GALNT13: variants seen among roughly 807,000 people sequenced by gnomAD.
GALNT13 encodes the protein UDP-GalNAc:polypeptide N-acetylgalactosaminyltransferase 13.
In GALNT13, 28 loss-of-function variants were observed where a neutral mutation model predicts 64.2. The observed-to-expected ratio is 0.44, with a 90% CI of 0.32 to 0.60. The LOEUF (loss-of-function observed/expected upper bound fraction) is 0.60. Ranked by LOEUF, GALNT13 falls within the 20% of genes least tolerant of loss-of-function variation. GALNT13 has a pLI of 0.05. For missense variants in GALNT13, 577 were observed against 669.8 expected, an observed-to-expected ratio of 0.86 and a Z score of 1.53; for synonymous variants, 214 against 224.6, an observed-to-expected ratio of 0.95 and a Z score of 0.42.
At chr2:154,371,210 A>G (rs559363881) in intron 9 of GALNT13, among the ~76,000 whole-genome samples, 1 of 152,246 alleles carries the variant, frequency 6.6e-6, no homozygotes, top group Admixed American at 6.5e-5. Context: ...AAATGACAAC[A>G]TATGCTAGTG....
At chr2:153,749,769 A>T in the GALNT13 span, among the ~76,000 whole-genome samples, 1 of 151,902 alleles carries the variant, frequency 6.6e-6, no homozygotes, top group African/African-American at 2.4e-5. Context: ...AGATCATATC[A>T]TCTGCAAATA....
At chr2:153,073,810 T>A in the GALNT13 span, among the ~76,000 whole-genome samples, 1 of 152,192 alleles carries the variant, frequency 6.6e-6, no homozygotes, top group African/African-American at 2.4e-5. Flanking sequence ...TGCAGTGTAA[T>A]TGTCTGACAT....
chr2:154,447,819 A>C (rs910384792), intron 12 of GALNT13, among the ~76,000 whole-genome samples: 6 of 152,052 alleles, frequency 3.9e-5, no homozygotes, highest in Non-Finnish European at 5.9e-5. Flanking sequence ...ACTTATGTAC[A>C]GAGCAATTTA....
the GALNT13 span, among the ~76,000 whole-genome samples, chr2:153,727,337 CATT>C: frequency 5.2e-3 from 799 of 152,260 alleles, 6 homozygotes; most frequent in African/African-American, 0.017. Context: ...CATTCATTCT[CATT>C]GTTGTATATT....
At chr2:153,649,560 G>A in the GALNT13 span, among the ~76,000 whole-genome samples, 1 of 148,148 alleles carries the variant, frequency 6.8e-6, no homozygotes, top group African/African-American at 2.5e-5. Flanking sequence ...TGATGTTAGG[G>A]TGTCAATTTT....
At chr2:153,550,639 A>T in the GALNT13 span, among the ~76,000 whole-genome samples, 1 of 152,206 alleles carries the variant, frequency 6.6e-6, no homozygotes, top group African/African-American at 2.4e-5. Flanking sequence ...AACAACAGTC[A>T]CATCTTGAGT....
the GALNT13 span, among the ~76,000 whole-genome samples, chr2:153,756,193 A>G: frequency 6.6e-6 from 1 of 152,138 alleles, no homozygotes; most frequent in South Asian, 2.1e-4. Context: ...GCAATTATGT[A>G]TAAGATCACA....
chr2:153,696,453 T>C, the GALNT13 span, among the ~76,000 whole-genome samples: 2 of 152,152 alleles, frequency 1.3e-5, no homozygotes, highest in Non-Finnish European at 2.9e-5. Flanking sequence ...CAGACATACC[T>C]GGGAACAATA....
At chr2:154,002,727 C>T (rs995158505) in intron 3 of GALNT13, among the ~76,000 whole-genome samples, 3 of 152,078 alleles carry the variant, frequency 2.0e-5, no homozygotes, top group African/African-American at 7.2e-5. Flanking sequence ...ATATTCATTC[C>T]TGTGCATTTG....
intron 9 of GALNT13, among the ~76,000 whole-genome samples, chr2:154,350,885 C>T (rs1049137075): frequency 6.6e-6 from 1 of 152,138 alleles, no homozygotes; most frequent in African/African-American, 2.4e-5. Flanking sequence ...TAAGTAGAAA[C>T]TAGCAGTTCT....
chr2:153,214,596 C>T, the GALNT13 span, among the ~76,000 whole-genome samples: 30 of 152,224 alleles, frequency 2.0e-4, no homozygotes, highest in African/African-American at 4.6e-4. Context: ...TTAGGCCACA[C>T]GCTGCAATGT....
At chr2:154,418,046 TGTA>T (rs923439237) in intron 11 of GALNT13, among the ~76,000 whole-genome samples, 1 of 152,206 alleles carries the variant, frequency 6.6e-6, no homozygotes, top group Admixed American at 6.5e-5. Context: ...AAAAATAAAT[TGTA>T]GTCTTTTTTG....
At chr2:153,225,159 G>T in the GALNT13 span, among the ~76,000 whole-genome samples, 11,879 of 152,216 alleles carry the variant, frequency 0.078, 577 homozygotes, top group South Asian at 0.12. Flanking sequence ...TCATTTCACA[G>T]ATTCAAGGAG....
chr2:154,139,109 G>A (rs1558980425), intron 3 of GALNT13, among the ~76,000 whole-genome samples: 1 of 151,866 alleles, frequency 6.6e-6, no homozygotes, highest in Non-Finnish European at 1.5e-5. Flanking sequence ...CCTTAGAGAT[G>A]CCTATTCTCT....
chr2:154,335,701 A>G (rs1382610870), intron 9 of GALNT13, among the ~76,000 whole-genome samples: 1 of 152,050 alleles, frequency 6.6e-6, no homozygotes, highest in Non-Finnish European at 1.5e-5. Context: ...GTAATATTAT[A>G]GGGATTAATC....
the GALNT13 span, among the ~76,000 whole-genome samples, chr2:153,310,369 G>T: frequency 6.6e-6 from 1 of 151,946 alleles, no homozygotes; most frequent in African/African-American, 2.4e-5. Context: ...TATTAATACA[G>T]CTGACCCTTC....
At chr2:153,854,575 C>G in the GALNT13 span, among the ~76,000 whole-genome samples, 1 of 151,964 alleles carries the variant, frequency 6.6e-6, no homozygotes, top group Non-Finnish European at 1.5e-5. Context: ...GAGCAAAACT[C>G]TGCCTCAAAA....
At chr2:153,627,873 T>C in the GALNT13 span, among the ~76,000 whole-genome samples, 5 of 152,276 alleles carry the variant, frequency 3.3e-5, no homozygotes, top group African/African-American at 1.2e-4. Flanking sequence ...AGTAGTTTTT[T>C]CCAATTCTGT....
chr2:153,783,403 TTTG>T, the GALNT13 span, among the ~76,000 whole-genome samples: 1 of 139,970 alleles, frequency 7.1e-6, no homozygotes, highest in Non-Finnish European at 1.7e-5. Flanking sequence ...TTTTTGTTTT[TTTG>T]TTGTTGTTTG....
Sources: allele counts gnomAD v4.1 joint callset (sites outside exome capture counted in the v4.1 genomes callset), GRCh38; gene constraint gnomAD v4.1.1; transcripts MANE v1.5; gene names NCBI Gene and HGNC (gene_info 2026-07-23, HGNC 2026-07-21).